The following NRG1 variants were observed in gnomAD, a reference collection of about 807,000 sequenced individuals.
NRG1 encodes pro-neuregulin-1, membrane-bound isoform.
Under a neutral mutation model 63.8 loss-of-function variants are expected in NRG1, and 18 were observed. The observed-to-expected ratio is 0.28, with a 90% confidence interval of 0.19 to 0.42. The LOEUF (loss-of-function observed/expected upper bound fraction) is 0.42. Among genes scored for constraint, NRG1 ranks in the 10% least tolerant of loss-of-function variants. The pLI, the probability that NRG1 is intolerant of heterozygous loss-of-function variation, is 1.00. For missense variants in NRG1, 762 were observed against 814.7 expected, an observed-to-expected ratio of 0.94 and a Z score of 0.79; for synonymous variants, 302 against 301.3, an observed-to-expected ratio of 1.00 and a Z score of -0.02.
chr8:31,918,581 A>G (rs1248736844), intron 1 of NRG1, among the ~76,000 whole-genome samples: 4 of 152,054 alleles, frequency 2.6e-5, no homozygotes, highest in Non-Finnish European at 4.4e-5. Flanking sequence ...AAGCTTTTTG[A>G]TGTGCTGCTG....
chr8:32,292,733 A>G (rs1234293041), intron 1 of NRG1, among the ~76,000 whole-genome samples: 1 of 152,232 alleles, frequency 6.6e-6, no homozygotes, highest in Non-Finnish European at 1.5e-5. Flanking sequence ...GCATTCCACT[A>G]CATTGAGAGA....
intron 1 of NRG1, among the ~76,000 whole-genome samples, chr8:32,452,644 C>G (rs1190670373): frequency 6.6e-6 from 1 of 151,706 alleles, no homozygotes; most frequent in African/African-American, 2.4e-5. Context: ...CAACTATGAG[C>G]CATTACATGT....
intron 1 of NRG1, among the ~76,000 whole-genome samples, chr8:32,044,825 T>G (rs1820675704): frequency 6.7e-6 from 1 of 149,862 alleles, no homozygotes; most frequent in African/African-American, 2.4e-5. Flanking sequence ...GGAATAAAAT[T>G]TATTATGTAA....
intron 1 of NRG1, among the ~76,000 whole-genome samples, chr8:32,244,285 G>A: frequency 6.6e-6 from 1 of 152,148 alleles, no homozygotes; most frequent in East Asian, 1.9e-4. Context: ...GGAGCGTTGA[G>A]GCTGAGAAGT....
intron 1 of NRG1, among the ~76,000 whole-genome samples, chr8:31,796,243 G>A (rs980760509): frequency 2.6e-5 from 4 of 151,906 alleles, no homozygotes; most frequent in Non-Finnish European, 5.9e-5. Context: ...AGGCTTTTAT[G>A]TGCATATAGA....
chr8:32,110,292 AG>A (rs1831837069), intron 1 of NRG1, among the ~76,000 whole-genome samples: 1 of 145,582 alleles, frequency 6.9e-6, no homozygotes, highest in African/African-American at 2.8e-5. Flanking sequence ...AGGACAGGCT[AG>A]AAAAAAATGT....
At chr8:32,261,676 C>T (rs1328436079) in intron 1 of NRG1, among the ~76,000 whole-genome samples, 1 of 152,104 alleles carries the variant, frequency 6.6e-6, no homozygotes, top group Non-Finnish European at 1.5e-5. Flanking sequence ...AACACCTCCA[C>T]TCCCCCCTTG....
At chr8:31,786,760 A>G (rs1056060210) in intron 1 of NRG1, among the ~76,000 whole-genome samples, 1 of 152,196 alleles carries the variant, frequency 6.6e-6, no homozygotes, top group East Asian at 1.9e-4. Context: ...AAGGTAAGGC[A>G]TGGGTGGTGG....
chr8:32,284,741 G>C (rs1013399238), intron 1 of NRG1, among the ~76,000 whole-genome samples: 1 of 152,080 alleles, frequency 6.6e-6, no homozygotes, highest in Non-Finnish European at 1.5e-5. Flanking sequence ...TAGAGACAAA[G>C]TTTCACTATA....
rs559709517 is a variant in NRG1, at chr8:32,181,376, A to G, written c.38-414452A>G. Among the ~76,000 whole-genome samples the G allele has an allele frequency of 3.2e-4, 48 of 152,264 alleles. 1 individual carries two copies. The South Asian group carries it at 6.0e-3, about 19-fold the overall frequency. On this transcript the variant is annotated intron_variant, in intron 1 of 10. Coordinates refer to the NRG1 transcript ENST00000519301. ...TATGAAATATCCATTTATTATCACT[A>G]TTAGTTTTTCTGTATTGCTCTCTTC...
chr8:31,719,764 T>A (rs1292060842), intron 1 of NRG1, among the ~76,000 whole-genome samples: 1 of 152,198 alleles, frequency 6.6e-6, no homozygotes, highest in African/African-American at 2.4e-5. Flanking sequence ...ATGACATGTG[T>A]CAAGATAAGA....
chr8:32,155,744 T>C (rs142361386), intron 1 of NRG1, among the ~76,000 whole-genome samples: 1 of 152,342 alleles, frequency 6.6e-6, no homozygotes, highest in Non-Finnish European at 1.5e-5. Context: ...TTGAATCTGA[T>C]CGTATTCTAA....
chr8:32,770,973 G>T (rs184212836), downstream of NRG1, among the ~76,000 whole-genome samples: 4 of 152,220 alleles, frequency 2.6e-5, no homozygotes, highest in African/African-American at 7.2e-5. Context: ...ATTGCACAAT[G>T]GATCAAATAA....
chr8:32,294,213 C>T (rs1010899373), intron 1 of NRG1, among the ~76,000 whole-genome samples: 17 of 152,028 alleles, frequency 1.1e-4, no homozygotes, highest in Admixed American at 8.5e-4. Context: ...CTTTCCCACT[C>T]ACATGGAGCA....
chr8:32,616,936 C>T lies in NRG1; in HGVS notation c.502+51C>T, dbSNP rs768633342. 4 of 1,332,704 alleles carry T rather than the reference C, an allele frequency of 3.0e-6. No individual in the cohort carries two copies. In the East Asian group the frequency reaches 9.2e-5, roughly 31 times the overall value. 82.6% of individuals were successfully genotyped at this position (1,332,704 alleles called of 1,614,324 possible). A position where few individuals can be genotyped will look rare whatever the true frequency, so the allele number is the denominator to read the frequency against. On this transcript the variant is annotated intron_variant, in intron 5 of 11. Transcript: ENST00000356819. ...ACTGGTTTTTAACCCAAGGCACTAT[C>T]TGCTTTGGAAGGTCATGTTCACGTC...
At chr8:32,623,161 T>G (rs1848635410) in intron 5 of NRG1, among the ~76,000 whole-genome samples, 1 of 152,248 alleles carries the variant, frequency 6.6e-6, no homozygotes, top group African/African-American at 2.4e-5. Flanking sequence ...GACATTTCTG[T>G]CATAATGAGA....
intron 1 of NRG1, among the ~76,000 whole-genome samples, chr8:32,244,877 A>G (rs752142279): frequency 1.3e-5 from 2 of 152,230 alleles, no homozygotes; most frequent in Non-Finnish European, 2.9e-5. Flanking sequence ...AAAAACATTA[A>G]TATCAAAGAT....
intron 1 of NRG1, among the ~76,000 whole-genome samples, chr8:31,965,017 A>G (rs1442579179): frequency 6.6e-6 from 1 of 152,166 alleles, no homozygotes; most frequent in African/African-American, 2.4e-5. Context: ...AAAGCATAGG[A>G]ACAAACTCAG....
chr8:32,106,108 A>C (rs906899502), intron 1 of NRG1, among the ~76,000 whole-genome samples: 4 of 152,222 alleles, frequency 2.6e-5, no homozygotes, highest in African/African-American at 7.2e-5. Context: ...TGCATATAAC[A>C]AACAGATGAC....
Sources: gnomAD v4.1 joint callset for allele counts (sites outside exome capture counted in the v4.1 genomes callset) on GRCh38, gnomAD v4.1.1 for gene constraint, MANE v1.5 for transcripts, NCBI Gene and HGNC (gene_info 2026-07-23, HGNC 2026-07-21) for gene names.